NIPBL: variants seen among roughly 807,000 people sequenced by gnomAD.
NIPBL encodes the protein nipped-B-like protein.
Under a neutral mutation model 321.8 loss-of-function variants are expected in NIPBL, and 19 were observed. The observed-to-expected ratio is 0.06, with a 90% CI of 0.04 to 0.09. The LOEUF (loss-of-function observed/expected upper bound fraction) is 0.09. Ranked by LOEUF, NIPBL falls within the 10% of genes least tolerant of loss-of-function variation. The probability of loss-of-function intolerance (pLI) is 1.00; values close to 1 mark genes in which losing one functional copy is unlikely to be tolerated. For missense variants in NIPBL, 2,210 were observed against 3,327.0 expected, an observed-to-expected ratio of 0.66 and a Z score of 8.26; for synonymous variants, 1,106 against 1,114.1, an observed-to-expected ratio of 0.99 and a Z score of 0.14.
At chr5:36,965,174 T>C (rs1333676948) in intron 6 of NIPBL, among the ~76,000 whole-genome samples, 1 of 152,084 alleles carries the variant, frequency 6.6e-6, no homozygotes, top group Non-Finnish European at 1.5e-5. Flanking sequence ...ATTCCACTAG[T>C]AGGTATGTAT....
At chr5:36,945,067 AAAG>A (rs1739515379) in intron 1 of NIPBL, among the ~76,000 whole-genome samples, 2 of 152,184 alleles carry the variant, frequency 1.3e-5, no homozygotes, top group South Asian at 2.1e-4. Flanking sequence ...TTGCAATATA[AAAG>A]AAGATGAGAA....
rs1755294901 is a variant in NIPBL at position 37,065,651 on chromosome 5, C to T, written c.*759C>T. 6.6e-6 allele frequency: 1 copy of T among 152,532 alleles called. No homozygotes were observed. 9.4% of individuals were successfully genotyped at this position (152,532 alleles called of 1,614,324 possible). A position where few individuals can be genotyped will look rare whatever the true frequency, so the allele number is the denominator to read the frequency against. On this transcript the variant is annotated 3_prime_UTR_variant, in exon 47 of 47. Transcript: ENST00000282516. ...TGTTTATACAGTTTGTATAGGCTGA[C>T]TTCTGAATAATTGGTATCTATTATT...
chr5:37,020,650 A>G lies in NIPBL; in HGVS notation c.5202A>G (p.Thr1734=). 1 of 1,613,994 alleles carries G rather than the reference A, an allele frequency of 6.2e-7. No homozygotes were observed. The highest frequency in any genetic ancestry group is 8.5e-7 in the Non-Finnish European group (1 of 1,179,912). The stretch of plus-strand genomic sequence containing the variant: ...TTCTTAGAAGCATTATCAAAACCAC[A>G]CCTTCTCAGTTTAGCACATTAAAGT... ...KKFLRSIIKT[T]PSQFSTLKMN... Residue 1734 remains threonine, a synonymous_variant, in exon 26 of 47, where the codon ACA becomes ACG. Transcript: ENST00000282516.
At position 37,000,810 on chromosome 5, in the gene NIPBL, G is replaced by T; in HGVS notation, c.3503-7G>T. The T allele has an allele frequency of 6.2e-7, 1 of 1,605,716 alleles. No individual in the cohort carries two copies. Among genetic ancestry groups the T allele is most frequent in the Non-Finnish European group, 8.5e-7 (1 of 1,173,144 alleles). On this transcript the variant is annotated splice_region_variant and splice_polypyrimidine_tract_variant and intron_variant, in intron 12 of 46. Transcript: ENST00000282516. Reference sequence around the variant, plus strand: ...TGCATTTCAGTACTTCTTTTTGTTCGTTTTAGTTGCTAGGAAAATGAAGAA... The same window carrying T: ...TGCATTTCAGTACTTCTTTTTGTTCTTTTTAGTTGCTAGGAAAATGAAGAA...
chr5:36,919,876 A>G (rs1748784322), intron 1 of NIPBL, among the ~76,000 whole-genome samples: 1 of 152,268 alleles, frequency 6.6e-6, no homozygotes, highest in Admixed American at 6.5e-5. Flanking sequence ...TAAGCTAAAT[A>G]CAGACTTTAA....
rs1266084266 is a variant in NIPBL, at chr5:36,914,969, G to GT, written c.-80+37797dup. On this transcript the variant is annotated intron_variant, in intron 1 of 46. Coordinates refer to ENST00000282516, the MANE Select transcript of NIPBL (RefSeq NM_133433.4). ...CTTTTTAAAATATTTTTAAAAAGGA[G>GT]TTTTTTCCTCAGATTTTTATTTTTC... Among the ~76,000 whole-genome samples, 3 of 151,980 alleles carry GT rather than the reference G, an allele frequency of 2.0e-5. No individual in the cohort carries two copies. The East Asian group carries it at 5.8e-4, about 29-fold the overall frequency.
In NIPBL at chr5:37,020,763, T is replaced by A; in HGVS notation, c.5226-12T>A. On this transcript the variant is annotated splice_polypyrimidine_tract_variant and intron_variant, in intron 26 of 46. Coordinates refer to ENST00000282516, the MANE Select transcript of NIPBL (RefSeq NM_133433.4). ...AAAAGAAAAATAAATTTTTAATGAC[T>A]TTTTGTTGCAGGATGAACTCTGATA... is the stretch of plus-strand genomic sequence containing the variant. 2 of 1,612,362 alleles carry A rather than the reference T, an allele frequency of 1.2e-6. No individual in the cohort carries two copies. The highest frequency in any genetic ancestry group is 1.7e-6 in the Non-Finnish European group (2 of 1,178,456).
intron 1 of NIPBL, among the ~76,000 whole-genome samples, chr5:36,948,047 T>C (rs979764979): frequency 6.6e-6 from 1 of 151,992 alleles, no homozygotes; most frequent in Admixed American, 6.6e-5. Context: ...GATTAAAATA[T>C]AGAATCATCA....
At chr5:36,995,857 T>TG in intron 11 of NIPBL, 53 bp downstream of exon 11, 1 of 1,496,736 alleles carries the variant, frequency 6.7e-7, no homozygotes, top group East Asian at 2.3e-5. Flanking sequence ...AGCAGGTTGA[T>TG]GTGTTTTTCT....
At chr5:37,054,232 T>A (rs463041) in intron 42 of NIPBL, among the ~76,000 whole-genome samples, 1 of 151,880 alleles carries the variant, frequency 6.6e-6, no homozygotes, top group African/African-American at 2.4e-5. Flanking sequence ...AGAAATACTT[T>A]AATTACTTGT....
chr5:36,885,637 G>T, intron 1 of NIPBL: 1 of 543,016 alleles, frequency 1.8e-6, no homozygotes, highest in South Asian at 1.4e-5. Flanking sequence ...CAAATACTGT[G>T]GACAATGCCT....
Position 37,058,966 on chromosome 5 carries a change from G to A in NIPBL, c.7486G>A (p.Glu2496Lys). 6.2e-7 allele frequency: 1 copy of A among 1,614,204 alleles called. No homozygotes were observed. The highest frequency in any genetic ancestry group is 2.2e-5 in the East Asian group (1 of 44,882). The change falls in exon 44 of 47, where the codon GAA becomes AAA. Residue 2496 changes from glutamate (E) to lysine (K), a missense_variant. Coordinates refer to ENST00000282516, the MANE Select transcript of NIPBL (RefSeq NM_133433.4). Reference protein sequence around the residue: ...KENESSDSEEEVSRPRKSRKR... With the variant: ...KENESSDSEEKVSRPRKSRKR... ...AAATGAGTCAAGCGACAGTGAAGAA[G>A]AAGTTTCCAGGCCTCGGAAGTCACG...
rs567080055 is a variant in NIPBL, at chr5:37,015,162, T to A, written c.4643+397T>A. Among the ~76,000 whole-genome samples, 116 of 152,144 alleles carry A rather than the reference T, an allele frequency of 7.6e-4. 2 individuals carry two copies. The highest frequency in any genetic ancestry group is 2.6e-3 in the African/African-American group (108 of 41,542). ...TAATGAGACAGAGTTTCGCTCTTGT[T>A]GCCCAGGCTGGAGTGCAATGGCACG... On this transcript the variant is annotated intron_variant, in intron 22 of 46. Transcript: ENST00000282516.
intron 1 of NIPBL, among the ~76,000 whole-genome samples, chr5:36,952,267 G>A (rs1740469350): frequency 1.3e-5 from 2 of 151,930 alleles, no homozygotes; most frequent in South Asian, 2.1e-4. Context: ...AATGTTTGAC[G>A]TTTACAACTC....
At chr5:37,001,204 T>G (rs954537823) in intron 14 of NIPBL, 126 bp downstream of exon 14, 2 of 685,742 alleles carry the variant, frequency 2.9e-6, no homozygotes, top group Non-Finnish European at 5.2e-6. Flanking sequence ...TTGTGATCAC[T>G]TGTTGCTGAC....
rs116724730 is a variant in NIPBL at position 36,929,250 on chromosome 5, A to G, written c.-79-24368A>G. ...TTCAGTGAGAATATACCTAATGACT[A>G]ATGATACTGAGCACTTTTTTTTATA... On this transcript the variant is annotated intron_variant, in intron 1 of 46. Coordinates refer to ENST00000282516, the MANE Select transcript of NIPBL (RefSeq NM_133433.4). Among the ~76,000 whole-genome samples the G allele has an allele frequency of 6.8e-3, 1,033 of 152,244 alleles. 17 individuals are homozygous for G. Among genetic ancestry groups the G allele is most frequent in the African/African-American group, 0.024 (1,000 of 41,566 alleles).
chr5:37,042,827 A>G (rs1299951612), intron 34 of NIPBL, among the ~76,000 whole-genome samples: 1 of 149,420 alleles, frequency 6.7e-6, no homozygotes, highest in East Asian at 1.9e-4. Context: ...CTCCGTCTCA[A>G]AAAAAAAAAA....
At chr5:36,964,947 C>T (rs1447059321) in intron 6 of NIPBL, among the ~76,000 whole-genome samples, 1 of 152,136 alleles carries the variant, frequency 6.6e-6, no homozygotes, top group African/African-American at 2.4e-5. Flanking sequence ...CACTCATCAT[C>T]AGAGAAATAC....
chr5:36,933,880 A>G (rs1388621787), intron 1 of NIPBL, among the ~76,000 whole-genome samples: 1 of 151,804 alleles, frequency 6.6e-6, no homozygotes, highest in Non-Finnish European at 1.5e-5. Flanking sequence ...TTTTCAGTCC[A>G]TGTAAAACTT....
Sources: gnomAD v4.1 joint callset for allele counts (sites outside exome capture counted in the v4.1 genomes callset) on GRCh38, gnomAD v4.1.1 for gene constraint, MANE v1.5 for transcripts, NCBI Gene and HGNC (gene_info 2026-07-23, HGNC 2026-07-21) for gene names.